CDKL5: variants seen among roughly 807,000 people sequenced by gnomAD.
CDKL5 encodes the protein cyclin dependent kinase like 5.
A neutral mutation model predicts 61.7 loss-of-function variants in CDKL5; 8 were observed. The observed-to-expected ratio is 0.13, with a 90% CI of 0.08 to 0.23. The LOEUF is 0.23. Ranked by LOEUF, CDKL5 falls within the 10% of genes least tolerant of loss-of-function variation. CDKL5 has a pLI of 1.00. For missense variants in CDKL5, 440 were observed against 734.5 expected (o/e 0.60, Z 4.63); for synonymous variants, 275 against 272.3 (o/e 1.01, Z -0.10).
At chrX:18,548,017 T>C (rs1286411776) in intron 3 of CDKL5, among the ~76,000 whole-genome samples, 1 of 111,297 alleles carries the variant, frequency 9.0e-6, no homozygotes, top group Non-Finnish European at 1.9e-5. Context: ...GGGGTTGGGT[T>C]GTATAATTTA....
At chrX:18,608,764 C>A in intron 12 of CDKL5, 47 bp from the exon 13 acceptor site, 1 of 873,027 alleles carries the variant, frequency 1.1e-6, no homozygotes. Context: ...GAGTTCCATC[C>A]CTAGGAACAG....
At chrX:18,616,360 T>C (rs1420782012) in intron 15 of CDKL5, among the ~76,000 whole-genome samples, 3 of 111,611 alleles carry the variant, frequency 2.7e-5, no homozygotes, top group Non-Finnish European at 5.6e-5. Context: ...GCACGGTGGC[T>C]CACTCCTGTA....
intron 16 of CDKL5, among the ~76,000 whole-genome samples, chrX:18,623,363 A>G (rs1042116885): frequency 3.6e-5 from 4 of 112,179 alleles, no homozygotes; most frequent in Non-Finnish European, 5.6e-5. Flanking sequence ...ACAGTGATCA[A>G]TACCTCTTCC....
intron 1 of CDKL5, among the ~76,000 whole-genome samples, chrX:18,487,058 A>G (rs1031304002): frequency 8.9e-6 from 1 of 112,015 alleles, no homozygotes; most frequent in Non-Finnish European, 1.9e-5. Flanking sequence ...GACTGTAGAT[A>G]AGAATTGTGG....
chrX:18,484,840 CCT>C (rs1921729797), intron 1 of CDKL5, among the ~76,000 whole-genome samples: 1 of 110,031 alleles, frequency 9.1e-6, no homozygotes, highest in Non-Finnish European at 1.9e-5. Flanking sequence ...CTCACAGCAG[CCT>C]CTGTCTTTCA....
At chrX:18,514,113 G>T (rs1257669367) in intron 3 of CDKL5, among the ~76,000 whole-genome samples, 1 of 111,044 alleles carries the variant, frequency 9.0e-6, no homozygotes, top group Non-Finnish European at 1.9e-5. Context: ...TCTGTGTACT[G>T]TTGCAGTAAT....
intron 3 of CDKL5, among the ~76,000 whole-genome samples, chrX:18,562,606 A>G (rs1175340091): frequency 8.9e-6 from 1 of 111,889 alleles, no homozygotes; most frequent in Non-Finnish European, 1.9e-5. Context: ...TAATGAGTTT[A>G]TATTATTTTT....
chrX:18,575,715 A>G (rs1041600148), intron 5 of CDKL5, among the ~76,000 whole-genome samples: 3 of 112,469 alleles, frequency 2.7e-5, no homozygotes, highest in Non-Finnish European at 5.6e-5. Flanking sequence ...TTTAAACAAT[A>G]TACTGATTTG....
At chrX:18,497,751 A>T (rs778378207) in intron 1 of CDKL5, among the ~76,000 whole-genome samples, 29 of 108,328 alleles carry the variant, frequency 2.7e-4, no homozygotes, top group Non-Finnish European at 4.4e-4. Flanking sequence ...TGCCCCAGGA[A>T]CCCCTCCTGT....
chrX:18,633,824 C>G lies in CDKL5; in HGVS notation c.*5067C>G, dbSNP rs1284642443. ...TCATCAGCGTTAGGCTTGGTCCTGG[C>G]TCCACCTTTCTCCTCTCCGGGCACT... On this transcript the variant is annotated 3_prime_UTR_variant, in exon 18 of 18. Transcript: ENST00000623535. 1.3e-6 allele frequency: 1 copy of G among 752,061 alleles called. No homozygotes were observed. Among genetic ancestry groups the G allele is most frequent in the East Asian group, 1.5e-4 (1 of 6,576 alleles). The allele number at this position is 752,061 out of a possible 1,213,427, so 62.0% of individuals were successfully genotyped here.
At chrX:18,611,374 G>A (rs1400256356) in intron 14 of CDKL5, among the ~76,000 whole-genome samples, 1 of 107,123 alleles carries the variant, frequency 9.3e-6, no homozygotes, top group Non-Finnish European at 1.9e-5. Context: ...GGCGGAGCTT[G>A]CAGTGAGCCA....
intron 1 of CDKL5, among the ~76,000 whole-genome samples, chrX:18,442,743 C>T (rs1043563516): frequency 9.0e-6 from 1 of 111,706 alleles, no homozygotes; most frequent in Non-Finnish European, 1.9e-5. Context: ...ATCCGCCCGC[C>T]TCGGCCTCCC....
chrX:18,515,050 C>T (rs962124366), intron 3 of CDKL5, among the ~76,000 whole-genome samples: 3 of 112,134 alleles, frequency 2.7e-5, no homozygotes, highest in African/African-American at 9.7e-5. Flanking sequence ...CTGCCTGCCT[C>T]GGCCTCCCGA....
intron 1 of CDKL5, among the ~76,000 whole-genome samples, chrX:18,448,018 C>T (rs998461773): frequency 2.7e-5 from 3 of 110,681 alleles, no homozygotes; most frequent in Non-Finnish European, 5.7e-5. Context: ...TCCCAAAGTA[C>T]TGGGATTACA....
At chrX:18,538,794 A>G (rs769182667) in intron 3 of CDKL5, among the ~76,000 whole-genome samples, 61 of 112,333 alleles carry the variant, frequency 5.4e-4, no homozygotes, top group African/African-American at 1.8e-3. Flanking sequence ...ATGAGACTGT[A>G]TAAGATTGCT....
chrX:18,598,632 G>A lies in CDKL5; in HGVS notation c.977+19G>A. On this transcript the variant is annotated intron_variant, in intron 11 of 17. Coordinates refer to ENST00000623535, the MANE Select transcript of CDKL5 (RefSeq NM_001323289.2). ...CTAATAGGTAAATATTCCCTTTTAAGGAAATACAGATGCAGTGTTGGTCTT... is the reference window on the plus strand; with the variant it reads ...CTAATAGGTAAATATTCCCTTTTAAAGAAATACAGATGCAGTGTTGGTCTT... The A allele has an allele frequency of 8.4e-7, 1 of 1,195,765 alleles. No individual in the cohort carries two copies. Among genetic ancestry groups the A allele is most frequent in the Non-Finnish European group, 1.1e-6 (1 of 880,947 alleles).
At chrX:18,560,498 G>C (rs939174820) in intron 3 of CDKL5, among the ~76,000 whole-genome samples, 4 of 111,779 alleles carry the variant, frequency 3.6e-5, no homozygotes, top group Non-Finnish European at 7.5e-5. Context: ...AAACAAAATT[G>C]TTTAGCACTT....
At chrX:18,514,081 T>C (rs759375771) in intron 3 of CDKL5, among the ~76,000 whole-genome samples, 3 of 111,353 alleles carry the variant, frequency 2.7e-5, no homozygotes, top group Non-Finnish European at 3.8e-5. Flanking sequence ...TGAACAAGTA[T>C]AGAAGAAAGT....
chrX:18,557,631 C>T (rs760803905), intron 3 of CDKL5, among the ~76,000 whole-genome samples: 1 of 112,385 alleles, frequency 8.9e-6, no homozygotes, highest in South Asian at 3.7e-4. Context: ...CTTCCTTATA[C>T]AGTATATGAT....
Sources: gnomAD v4.1 joint callset for allele counts (sites outside exome capture counted in the v4.1 genomes callset) on GRCh38, gnomAD v4.1.1 for gene constraint, MANE v1.5 for transcripts, NCBI Gene and HGNC (gene_info 2026-07-23, HGNC 2026-07-21) for gene names.